The following TMPRSS9 variants were observed in gnomAD, a reference collection of about 807,000 sequenced individuals.
TMPRSS9 encodes the protein transmembrane protease serine 9.
TMPRSS9 carries 113 observed loss-of-function variants against 111.4 expected under a neutral mutation model. That is an observed-to-expected ratio of 1.01 (90% CI 0.87 to 1.19). The LOEUF (loss-of-function observed/expected upper bound fraction) is 1.19. TMPRSS9 is among the 50% of genes most tolerant of loss of function. The pLI, the probability that TMPRSS9 is intolerant of heterozygous loss-of-function variation, is 0.00. For synonymous variants in TMPRSS9, 805 were observed against 659.1 expected (o/e 1.22, Z -3.39); for missense variants, 1,803 against 1,513.1 (o/e 1.19, Z -3.18).
At chr19:2,377,475 TC>T in intron 1 of TMPRSS9, among the ~76,000 whole-genome samples, 1 of 43,188 alleles carries the variant, frequency 2.3e-5, no homozygotes, top group East Asian at 7.8e-4. Flanking sequence ...CCCTCTCCCC[TC>T]TCCTCTCTCC....
chr19:2,410,295 G>A, exon 9 of TMPRSS9: 2 of 1,614,048 alleles, frequency 1.2e-6, no homozygotes, highest in South Asian at 2.2e-5. Flanking sequence ...CCACTGTGGA[G>A]CTGCTGGACC....
chr19:2,424,388 C>T, intron 15 of TMPRSS9, 131 bp downstream of exon 16: 1 of 1,003,806 alleles, frequency 1.0e-6, no homozygotes, highest in Non-Finnish European at 1.3e-6. Flanking sequence ...TCCCACTGCC[C>T]CAGGCCACTC....
chr19:2,385,441 T>C (rs1394044366), upstream of TMPRSS9, among the ~76,000 whole-genome samples: 1 of 152,176 alleles, frequency 6.6e-6, no homozygotes, highest in African/African-American at 2.4e-5. Context: ...CGTTGCGGTG[T>C]TGCCGTTGCA....
chr19:2,402,769 ATAAAT>A (rs1970879064), intron 5 of TMPRSS9, among the ~76,000 whole-genome samples: 2 of 150,276 alleles, frequency 1.3e-5, no homozygotes, highest in Non-Finnish European at 2.9e-5. Flanking sequence ...TAAAATAAAA[ATAAAT>A]AAAATAAATA....
chr19:2,372,680 T>G (rs4806840), intron 1 of TMPRSS9, among the ~76,000 whole-genome samples: 1 of 152,026 alleles, frequency 6.6e-6, no homozygotes, highest in Non-Finnish European at 1.5e-5. Context: ...AAAGATTCAT[T>G]GAAACAGGCA....
intron 8 of TMPRSS9, among the ~76,000 whole-genome samples, chr19:2,409,546 C>A (rs62120717): frequency 0.079 from 11,994 of 151,948 alleles, 655 homozygotes; most frequent in East Asian, 0.26. Flanking sequence ...CAATCAGCCA[C>A]AAGATGACTG....
Position 2,425,965 on chromosome 19 carries a change from TG to T in TMPRSS9, c.3161del (p.Gly1054AspfsTer5). ...GACCCCTGGCCTGCAGGGAGCCCTC[TG>T]GACGGTGGGTGCTAACTGGGGTCAC... On this transcript the variant is annotated frameshift_variant, in exon 18 of 18. Coordinates refer to ENST00000648592, the Ensembl canonical transcript of TMPRSS9. LOFTEE classifies it low-confidence loss of function (END_TRUNC). The T allele has an allele frequency of 6.2e-7, 1 of 1,606,722 alleles. No homozygotes were observed. Among genetic ancestry groups the T allele is most frequent in the Non-Finnish European group, 8.5e-7 (1 of 1,177,696 alleles).
chr19:2,425,841 G>A, intron 17 of TMPRSS9, 86 bp from the exon 19 acceptor site: 1 of 1,470,242 alleles, frequency 6.8e-7, no homozygotes, highest in Non-Finnish European at 9.0e-7. Flanking sequence ...GAAGTCACTA[G>A]GGTCACTCCT....
At chr19:2,406,769 C>T (rs951943497) in intron 7 of TMPRSS9, among the ~76,000 whole-genome samples, 1 of 150,330 alleles carries the variant, frequency 6.7e-6, no homozygotes, top group African/African-American at 2.4e-5. Flanking sequence ...TTTGCATTCA[C>T]TTTGATTTTT....
At position 2,424,003 on chromosome 19, in the gene TMPRSS9, G is replaced by C. The variant is rs908642535; in HGVS notation, c.2549-86G>C. 6 of 1,230,848 alleles carry C rather than the reference G, an allele frequency of 4.9e-6. No individual in the cohort carries two copies. The East Asian group carries it at 1.9e-4, about 39-fold the overall frequency. The allele number at this position is 1,230,848 out of a possible 1,614,324, so 76.2% of individuals were successfully genotyped here. A position where few individuals can be genotyped will look rare whatever the true frequency, so the allele number is the denominator to read the frequency against. ...AACCTACTCCCTGGGGCTCCCAGGGGGATTCGTGGAGAGGCGGCGCCCAGG... is the reference window on the plus strand; with the variant it reads ...AACCTACTCCCTGGGGCTCCCAGGGCGATTCGTGGAGAGGCGGCGCCCAGG... On this transcript the variant is annotated intron_variant, in intron 14 of 17. Coordinates refer to ENST00000648592, the Ensembl canonical transcript of TMPRSS9.
At chr19:2,395,789 C>T (rs549442983) in intron 1 of TMPRSS9, among the ~76,000 whole-genome samples, 3 of 152,190 alleles carry the variant, frequency 2.0e-5, no homozygotes, top group South Asian at 2.1e-4. Context: ...GGGCGGATCA[C>T]GAGGTCAGGA....
intron 1 of TMPRSS9, among the ~76,000 whole-genome samples, chr19:2,375,840 C>T (rs1485251642): frequency 2.6e-5 from 4 of 152,148 alleles, no homozygotes; most frequent in Admixed American, 6.6e-5. Context: ...AGCAGATCAA[C>T]GACCTGGGGA....
rs780124434 is a variant in TMPRSS9, at chr19:2,403,077, C to G, written c.557-5C>G. ...GTCAGAAAGTCGGTTCTTTTCTGTC[C>G]TCAGGCCGCTGTCCAGGGAACTCCT... On this transcript the variant is annotated splice_region_variant and splice_polypyrimidine_tract_variant and intron_variant, in intron 5 of 17. Transcript: ENST00000648592. The G allele has an allele frequency of 1.9e-6, 3 of 1,604,210 alleles. No homozygotes were observed. The highest frequency in any genetic ancestry group is 2.2e-5 in the East Asian group (1 of 44,550).
intron 7 of TMPRSS9, among the ~76,000 whole-genome samples, chr19:2,407,545 A>G (rs539581295): frequency 5.3e-5 from 8 of 150,268 alleles, no homozygotes; most frequent in Middle Eastern, 3.5e-3. Flanking sequence ...AAAACAAAAC[A>G]AAAATGTTGA....
At chr19:2,426,213 G>A (rs1367674426) in exon 18 of TMPRSS9, 1 of 1,262,792 alleles carries the variant, frequency 7.9e-7, no homozygotes, top group Non-Finnish European at 1.1e-6. Context: ...TCATGGGGAT[G>A]CATTTTGGTA....
chr19:2,405,767 G>A (rs867143054), intron 7 of TMPRSS9, among the ~76,000 whole-genome samples: 6 of 148,802 alleles, frequency 4.0e-5, no homozygotes, highest in African/African-American at 1.5e-4. Flanking sequence ...GTGCAGTGAC[G>A]CGATCTTGGC....
intron 1 of TMPRSS9, among the ~76,000 whole-genome samples, chr19:2,361,856 G>T (rs986440675): frequency 6.6e-6 from 1 of 152,036 alleles, no homozygotes; most frequent in Admixed American, 6.6e-5. Context: ...TGTGGGCCGC[G>T]TGGTGGCCAC....
At chr19:2,366,729 C>T (rs1212614266) in intron 1 of TMPRSS9, among the ~76,000 whole-genome samples, 1 of 151,850 alleles carries the variant, frequency 6.6e-6, no homozygotes, top group Non-Finnish European at 1.5e-5. Flanking sequence ...TGGTGGCGGG[C>T]ACCTGTAGTC....
At chr19:2,416,342 C>A in intron 11 of TMPRSS9, 196 bp from the exon 13 acceptor site, 1 of 692,444 alleles carries the variant, frequency 1.4e-6, no homozygotes, top group Non-Finnish European at 2.3e-6. Flanking sequence ...GGTCCCCCAG[C>A]TTGGGATCCT....
Sources: gnomAD v4.1 joint callset for allele counts (sites outside exome capture counted in the v4.1 genomes callset) on GRCh38, gnomAD v4.1.1 for gene constraint, MANE v1.5 for transcripts, NCBI Gene and HGNC (gene_info 2026-07-23, HGNC 2026-07-21) for gene names.